Variants in PHOSPHO2 observed in about 807,000 individuals in gnomAD.
The protein encoded by PHOSPHO2 is pyridoxal phosphate phosphatase PHOSPHO2.
PHOSPHO2 carries 14 observed loss-of-function variants against 16.4 expected under a neutral mutation model. The ratio of observed to expected loss-of-function variants is 0.85; its 90% CI spans 0.56 to 1.33. The LOEUF (loss-of-function observed/expected upper bound fraction) is 1.33, where lower values mean the gene tolerates loss of function less well. Ranked by LOEUF, PHOSPHO2 falls within the 40% of genes most tolerant of loss-of-function variation. The pLI is 0.00. For synonymous variants in PHOSPHO2, 85 were observed against 90.5 expected (o/e 0.94, Z 0.34); for missense variants, 246 against 282.5 (o/e 0.87, Z 0.93).
Position 169,701,082 on chromosome 2 carries a change from T to A in PHOSPHO2, c.111T>A (p.Asp37Glu). The change falls in exon 4 of 4, where the codon GAT becomes GAA. Residue 37 changes from aspartate to glutamate, a missense_variant. By Grantham distance (45) the Asp-to-Glu change is conservative. Transcript: ENST00000359744. ...PNKKLPIELR[D>E]SYRKGFWTEF... ...AAAAGCTTCCTATTGAACTACGTGA[T>A]TCTTATCGAAAAGGATTTTGGACAG... 1 of 1,614,070 alleles carries A rather than the reference T, an allele frequency of 6.2e-7. No homozygotes were observed. The highest frequency in any genetic ancestry group is 1.7e-5 in the Admixed American group (1 of 60,032).
chr2:169,695,582 A>G (rs1687493018), intron 2 of PHOSPHO2, among the ~76,000 whole-genome samples: 2 of 151,764 alleles, frequency 1.3e-5, no homozygotes. Context: ...GCTTGCAGTG[A>G]GCCGACCATC....
intron 3 of PHOSPHO2, among the ~76,000 whole-genome samples, chr2:169,698,520 A>G (rs1379159235): frequency 6.6e-6 from 1 of 152,214 alleles, no homozygotes; most frequent in African/African-American, 2.4e-5. Flanking sequence ...GGGTTGTGAC[A>G]ATTAAATGGT....
intron 3 of PHOSPHO2, among the ~76,000 whole-genome samples, chr2:169,699,556 G>A (rs537587474): frequency 6.6e-6 from 1 of 152,266 alleles, no homozygotes; most frequent in East Asian, 1.9e-4. Flanking sequence ...GGATTACTGG[G>A]TCAAGTGGTA....
At chr2:169,695,871 C>G (rs1687510696) in intron 2 of PHOSPHO2, among the ~76,000 whole-genome samples, 1 of 152,106 alleles carries the variant, frequency 6.6e-6, no homozygotes, top group South Asian at 2.1e-4. Context: ...TGTCGAATTA[C>G]AGGAAAGGAG....
chr2:169,696,039 A>G (rs1416224321), intron 2 of PHOSPHO2, among the ~76,000 whole-genome samples: 1 of 152,198 alleles, frequency 6.6e-6, no homozygotes, highest in Admixed American at 6.5e-5. Context: ...ATTGTCTCCC[A>G]ACAACAATTT....
At chr2:169,697,038 C>T (rs192236173) in intron 2 of PHOSPHO2, among the ~76,000 whole-genome samples, 5,333 of 137,394 alleles carry the variant, frequency 0.039, 344 homozygotes, top group African/African-American at 0.13. Flanking sequence ...TTTTTTGACA[C>T]GGAGTCTCGC....
chr2:169,695,629 C>G (rs988556829), intron 2 of PHOSPHO2, among the ~76,000 whole-genome samples: 45 of 139,170 alleles, frequency 3.2e-4, no homozygotes, highest in African/African-American at 1.2e-3. Context: ...CAGAGCGAGA[C>G]TCCGTCTCAA....
intron 3 of PHOSPHO2, among the ~76,000 whole-genome samples, chr2:169,699,383 A>G (rs140102576): frequency 1.3e-5 from 2 of 152,272 alleles, no homozygotes; most frequent in African/African-American, 4.8e-5. Flanking sequence ...ATAATATTCC[A>G]TGGTGTATAA....
rs1687745383 is a variant in PHOSPHO2 at position 169,701,272 on chromosome 2, A to C, written c.301A>C (p.Asn101His). ...KFDCIIISDS[N>H]SVFIDWVLEA... ...TGACTGCATTATTATTTCAGATTCA[A>C]ATTCGGTCTTCATAGATTGGGTTTT... is the stretch of plus-strand genomic sequence containing the variant. Residue 101 changes from asparagine (N) to histidine (H), a missense_variant, in exon 4 of 4, where the codon AAT (asparagine) becomes CAT (histidine). Transcript: ENST00000359744. The C allele has an allele frequency of 1.2e-6, 2 of 1,613,470 alleles. No individual in the cohort carries two copies. Among genetic ancestry groups the C allele is most frequent in the Non-Finnish European group, 1.7e-6 (2 of 1,179,792 alleles).
At chr2:169,697,181 A>G (rs1390320683) in intron 2 of PHOSPHO2, among the ~76,000 whole-genome samples, 180 bp from the exon 3 acceptor site, 4 of 151,984 alleles carry the variant, frequency 2.6e-5, no homozygotes, top group Admixed American at 1.3e-4. Context: ...ACGCCCAGCT[A>G]ATTTTTTGTA....
rs1687751373 is a variant in PHOSPHO2 at position 169,701,408 on chromosome 2, G to C, written c.437G>C (p.Arg146Thr). The C allele has an allele frequency of 6.2e-7, 1 of 1,613,280 alleles. No individual in the cohort carries two copies. Among genetic ancestry groups the C allele is most frequent in the Admixed American group, 1.7e-5 (1 of 59,934 alleles). Residue 146 changes from arginine (R) to threonine (T), a missense_variant, in exon 4 of 4, where the codon AGA becomes ACA. Coordinates refer to ENST00000359744, the MANE Select transcript of PHOSPHO2 (RefSeq NM_001008489.4). ...AATTATCATACTCATTCTTGCAATA[G>C]ATGCCCAAAGAATCTTTGCAAAAAG... The part of the protein sequence containing the change: ...VENYHTHSCN[R>T]CPKNLCKKVV...
chr2:169,701,003 A>G lies in PHOSPHO2; in HGVS notation c.32A>G (p.Asn11Ser), dbSNP rs753780169. 7.5e-6 allele frequency: 12 copies of G among 1,602,902 alleles called. No individual in the cohort carries two copies. The highest frequency in any genetic ancestry group is 1.1e-5 in the South Asian group (1 of 88,776). MKILLVFDFD[N>S]TIIDDNSDTW... ...ATTTTGCTAGTTTTTGACTTTGACA[A>G]TACAATCATAGATGACAATAGTGAC... Residue 11 changes from asparagine (N) to serine (S), a missense_variant, in exon 4 of 4, where the codon AAT becomes AGT. Asn to Ser is a conservative substitution (Grantham distance 46). Transcript: ENST00000359744.
chr2:169,699,920 A>C (rs895116654), intron 3 of PHOSPHO2, among the ~76,000 whole-genome samples: 2 of 152,046 alleles, frequency 1.3e-5, no homozygotes, highest in African/African-American at 2.4e-5. Context: ...TTATCAAGGA[A>C]CTACATGATT....
intron 2 of PHOSPHO2, among the ~76,000 whole-genome samples, chr2:169,696,463 A>G (rs1284370387): frequency 1.3e-5 from 2 of 152,242 alleles, no homozygotes; most frequent in African/African-American, 4.8e-5. Flanking sequence ...TGAACTGAAT[A>G]TCTTGGCTTT....
chr2:169,698,919 A>G (rs1449171291), intron 3 of PHOSPHO2, among the ~76,000 whole-genome samples: 1 of 152,198 alleles, frequency 6.6e-6, no homozygotes, highest in Non-Finnish European at 1.5e-5. Context: ...GTTCTCAGGT[A>G]ATTTGTTTAG....
intron 3 of PHOSPHO2, among the ~76,000 whole-genome samples, chr2:169,698,581 AATTATT>A (rs902797571): frequency 6.6e-6 from 1 of 152,166 alleles, no homozygotes; most frequent in African/African-American, 2.4e-5. Flanking sequence ...TGACTCTCAA[AATTATT>A]ATTATTATCT....
Position 169,701,057 on chromosome 2 carries a change from A to G in PHOSPHO2, c.86A>G (p.Lys29Arg), listed in dbSNP as rs145381929. Reference protein sequence around the residue: ...DTWIVQCAPNKKLPIELRDSY... With the variant: ...DTWIVQCAPNRKLPIELRDSY... ...TGGATTGTACAATGTGCTCCCAACAAAAAGCTTCCTATTGAACTACGTGAT... is the reference window on the plus strand; with the variant it reads ...TGGATTGTACAATGTGCTCCCAACAGAAAGCTTCCTATTGAACTACGTGAT... Residue 29 changes from lysine to arginine, a missense_variant, in exon 4 of 4, where the codon AAA (lysine) becomes AGA (arginine). Coordinates refer to ENST00000359744, the MANE Select transcript of PHOSPHO2 (RefSeq NM_001008489.4). The G allele has an allele frequency of 4.6e-4, 741 of 1,613,954 alleles. 10 individuals carry two copies. In the Admixed American group the frequency reaches 0.011, roughly 25 times the overall value.
chr2:169,699,756 A>T (rs1174870414), intron 3 of PHOSPHO2, among the ~76,000 whole-genome samples: 1 of 151,848 alleles, frequency 6.6e-6, no homozygotes, highest in Non-Finnish European at 1.5e-5. Flanking sequence ...TTGTGGCTTT[A>T]GTTTGCATTT....
At chr2:169,696,267 G>A (rs1219131832) in intron 2 of PHOSPHO2, among the ~76,000 whole-genome samples, 1 of 152,150 alleles carries the variant, frequency 6.6e-6, no homozygotes. Flanking sequence ...GGTAGCATAT[G>A]CACTCTGATC....
Sources: allele counts gnomAD v4.1 joint callset (sites outside exome capture counted in the v4.1 genomes callset), GRCh38; gene constraint gnomAD v4.1.1; transcripts MANE v1.5; gene names NCBI Gene and HGNC (gene_info 2026-07-23, HGNC 2026-07-21).